RYR2: variants seen among roughly 807,000 people sequenced by gnomAD.
RYR2 encodes ryanodine receptor 2.
Under a neutral mutation model 601.1 loss-of-function variants are expected in RYR2, and 227 were observed. The observed-to-expected ratio is 0.38, with a 90% CI of 0.34 to 0.42. The LOEUF (loss-of-function observed/expected upper bound fraction) is 0.42. Among genes scored for constraint, RYR2 ranks in the 10% least tolerant of loss-of-function variants. The probability of loss-of-function intolerance (pLI) is 1.00; values close to 1 mark genes in which losing one functional copy is unlikely to be tolerated. For missense variants in RYR2, 4,646 were observed against 6,156.5 expected (o/e 0.75, Z 8.21); for synonymous variants, 2,223 against 2,175.1 (o/e 1.02, Z -0.61).
intron 56 of RYR2, 124 bp downstream of exon 56, chr1:237,661,071 G>A (rs1327737106): frequency 1.1e-6 from 1 of 947,848 alleles, no homozygotes; most frequent in Non-Finnish European, 1.4e-6. Flanking sequence ...AAATTTAGAA[G>A]GGAGAGAAAA....
chr1:237,770,680 T>A, intron 84 of RYR2, 127 bp from the exon 85 acceptor site: 1 of 561,502 alleles, frequency 1.8e-6, no homozygotes, highest in South Asian at 2.3e-5. Context: ...AAAGTGGCTA[T>A]GACTTGTGAC....
chr1:237,350,907 GATTA>G (rs1208087013), intron 3 of RYR2, among the ~76,000 whole-genome samples: 2 of 151,822 alleles, frequency 1.3e-5, no homozygotes, highest in African/African-American at 2.4e-5. Flanking sequence ...TGAACAGTAT[GATTA>G]ATTAACATAT....
At chr1:237,122,105 G>C (rs1670848250) in intron 1 of RYR2, among the ~76,000 whole-genome samples, 1 of 152,180 alleles carries the variant, frequency 6.6e-6, no homozygotes, top group Admixed American at 6.5e-5. Context: ...TAAAATTTGT[G>C]GAAAATGTAG....
chr1:237,733,705 C>T lies in RYR2; in HGVS notation c.11040C>T (p.Cys3680=). The stretch of plus-strand genomic sequence containing the variant: ...GATGTTTTCTTCTTGCTTTCCCCAG[C>T]AAACTGGAGGAAGATTTTTTATATA... ...LFSRTALTEK[C]KLEEDFLYMA... The change falls in exon 79 of 105, where the codon TGC becomes TGT. Residue 3680 remains cysteine (C), a splice_region_variant and synonymous_variant. Coordinates refer to ENST00000366574, the MANE Select transcript of RYR2 (RefSeq NM_001035.3). 5 of 1,607,516 alleles carry T rather than the reference C, an allele frequency of 3.1e-6. No homozygotes were observed. Among genetic ancestry groups the T allele is most frequent in the Non-Finnish European group, 4.3e-6 (5 of 1,174,670 alleles).
At chr1:237,759,652 A>C in intron 82 of RYR2, 124 bp from the exon 83 acceptor site, 1 of 698,838 alleles carries the variant, frequency 1.4e-6, no homozygotes, top group South Asian at 1.6e-5. Context: ...GGCATTAGTC[A>C]TGTTTGTACG....
At chr1:237,104,963 G>A (rs1165824893) in intron 1 of RYR2, among the ~76,000 whole-genome samples, 1 of 152,190 alleles carries the variant, frequency 6.6e-6, no homozygotes, top group Non-Finnish European at 1.5e-5. Context: ...ACGGTCTGAT[G>A]GTAATGCTGG....
intron 1 of RYR2, among the ~76,000 whole-genome samples, chr1:237,141,027 A>C (rs551810321): frequency 8.6e-4 from 131 of 152,352 alleles, no homozygotes; most frequent in Non-Finnish European, 1.7e-3. Flanking sequence ...AATTTTTCTC[A>C]TAGAAAATCA....
intron 24 of RYR2, among the ~76,000 whole-genome samples, chr1:237,523,732 GTC>G (rs1667311839): frequency 8.3e-6 from 1 of 121,090 alleles, no homozygotes; most frequent in South Asian, 2.5e-4. Flanking sequence ...GCAAGATTCT[GTC>G]TCAAAAAAAA....
intron 6 of RYR2, among the ~76,000 whole-genome samples, chr1:237,370,733 T>C (rs1487902448): frequency 6.7e-6 from 1 of 150,084 alleles, no homozygotes; most frequent in East Asian, 2.0e-4. Context: ...CGATCTCGGC[T>C]CACTGCAAGC....
intron 27 of RYR2, among the ~76,000 whole-genome samples, chr1:237,564,816 A>G (rs1315107053): frequency 6.6e-6 from 1 of 152,216 alleles, no homozygotes; most frequent in African/African-American, 2.4e-5. Flanking sequence ...ACCATTATCA[A>G]AAAAGCAGTT....
At chr1:237,823,821 A>G (rs1250664042) in intron 101 of RYR2, among the ~76,000 whole-genome samples, 1 of 152,226 alleles carries the variant, frequency 6.6e-6, no homozygotes, top group Non-Finnish European at 1.5e-5. Flanking sequence ...AATCAAATAG[A>G]TGCAATAAAA....
chr1:237,059,395 C>T (rs1472627340), intron 1 of RYR2, among the ~76,000 whole-genome samples: 2 of 152,084 alleles, frequency 1.3e-5, no homozygotes, highest in African/African-American at 4.8e-5. Context: ...TGAGTAATGA[C>T]ACCCTCTTTT....
At chr1:237,132,408 T>C (rs1672261817) in intron 1 of RYR2, among the ~76,000 whole-genome samples, 1 of 152,220 alleles carries the variant, frequency 6.6e-6, no homozygotes, top group Non-Finnish European at 1.5e-5. Context: ...TAGGTGCTCT[T>C]GAATTCCTGA....
intron 88 of RYR2, among the ~76,000 whole-genome samples, chr1:237,778,973 A>G (rs565879468): frequency 1.3e-5 from 2 of 152,374 alleles, no homozygotes; most frequent in East Asian, 3.9e-4. Flanking sequence ...CTGAGAATAG[A>G]CAGGAGTCAT....
At chr1:237,335,042 C>T (rs1697113760) in intron 3 of RYR2, among the ~76,000 whole-genome samples, 1 of 151,976 alleles carries the variant, frequency 6.6e-6, no homozygotes, top group Non-Finnish European at 1.5e-5. Context: ...TCCTGACTGC[C>T]TTTTCTCTGG....
At chr1:237,433,669 A>G (rs1326147962) in intron 12 of RYR2, among the ~76,000 whole-genome samples, 9 of 152,088 alleles carry the variant, frequency 5.9e-5, no homozygotes, top group Non-Finnish European at 1.3e-4. Flanking sequence ...CTTTTTCCCC[A>G]CCTCAGTGTT....
intron 101 of RYR2, among the ~76,000 whole-genome samples, chr1:237,821,628 T>A (rs1662509612): frequency 6.6e-6 from 1 of 151,894 alleles, no homozygotes; most frequent in Non-Finnish European, 1.5e-5. Context: ...CTCCAAAGTA[T>A]CACAACTCCT....
chr1:237,057,570 A>G (rs1662329353), intron 1 of RYR2, among the ~76,000 whole-genome samples: 1 of 152,190 alleles, frequency 6.6e-6, no homozygotes, highest in African/African-American at 2.4e-5. Flanking sequence ...CCCAGAAGCA[A>G]CAGAGCAGCA....
At chr1:237,794,023 T>C (rs1658784855) in intron 95 of RYR2, 26 bp downstream of exon 95, 1 of 1,588,194 alleles carries the variant, frequency 6.3e-7, no homozygotes, top group Non-Finnish European at 8.6e-7. Flanking sequence ...TATGAGACTT[T>C]CTGCACTCAA....
Sources: allele counts gnomAD v4.1 joint callset (sites outside exome capture counted in the v4.1 genomes callset), GRCh38; gene constraint gnomAD v4.1.1; transcripts MANE v1.5; gene names NCBI Gene and HGNC (gene_info 2026-07-23, HGNC 2026-07-21).